LNX2: variants seen among roughly 807,000 people sequenced by gnomAD.
LNX2 encodes ligand of numb-protein X 2.
Under a neutral mutation model 66.2 loss-of-function variants are expected in LNX2, and 35 were observed. The ratio of observed to expected loss-of-function variants is 0.53; its 90% CI spans 0.40 to 0.70. The LOEUF is 0.70. Ranked by LOEUF, LNX2 falls within the 30% of genes least tolerant of loss-of-function variation. The probability of loss-of-function intolerance (pLI) is 0.00; values close to 1 mark genes in which losing one functional copy is unlikely to be tolerated. For synonymous variants in LNX2, 337 were observed against 315.6 expected (o/e 1.07, Z -0.72); for missense variants, 791 against 850.8 (o/e 0.93, Z 0.87).
chr13:27,599,249 G>A (rs556740652), intron 1 of LNX2, among the ~76,000 whole-genome samples: 1 of 152,244 alleles, frequency 6.6e-6, no homozygotes, highest in African/African-American at 2.4e-5. Context: ...TGCAACCTTT[G>A]TATATAAAAG....
At chr13:27,583,576 C>G (rs1247303838) in intron 1 of LNX2, among the ~76,000 whole-genome samples, 1 of 152,064 alleles carries the variant, frequency 6.6e-6, no homozygotes, top group African/African-American at 2.4e-5. Flanking sequence ...ACTCTTAGAG[C>G]AGCCTCCTCC....
At chr13:27,572,033 T>C (rs1191652416) in intron 2 of LNX2, among the ~76,000 whole-genome samples, 1 of 152,216 alleles carries the variant, frequency 6.6e-6, no homozygotes, top group East Asian at 1.9e-4. Flanking sequence ...TCAGATCTAA[T>C]TTCAAAGGCT....
At chr13:27,584,166 C>T (rs1337941608) in intron 1 of LNX2, among the ~76,000 whole-genome samples, 2 of 152,164 alleles carry the variant, frequency 1.3e-5, no homozygotes, top group Non-Finnish European at 2.9e-5. Flanking sequence ...CATGTTGAGG[C>T]TACTAGCATT....
chr13:27,598,856 T>C (rs573708375), intron 1 of LNX2, among the ~76,000 whole-genome samples: 3 of 152,272 alleles, frequency 2.0e-5, no homozygotes, highest in Admixed American at 2.0e-4. Context: ...TATGTTTACA[T>C]AAACAAGTAA....
At chr13:27,593,746 GT>G (rs1258285115) in intron 1 of LNX2, among the ~76,000 whole-genome samples, 3 of 147,332 alleles carry the variant, frequency 2.0e-5, no homozygotes, top group African/African-American at 7.5e-5. Flanking sequence ...GTGTGTGTGT[GT>G]GTGTGTGTTC....
At chr13:27,585,250 C>A (rs1955470902) in intron 1 of LNX2, among the ~76,000 whole-genome samples, 1 of 151,836 alleles carries the variant, frequency 6.6e-6, no homozygotes, top group Non-Finnish European at 1.5e-5. Flanking sequence ...ACAGTGAAAC[C>A]CCGTCTCTAC....
At chr13:27,552,584 T>C (rs1013344235) in intron 8 of LNX2, among the ~76,000 whole-genome samples, 3 of 145,980 alleles carry the variant, frequency 2.1e-5, no homozygotes, top group Non-Finnish European at 1.5e-5. Context: ...ATCTCAAATG[T>C]CAAACAACAA....
chr13:27,603,276 C>G (rs1344692702), intron 1 of LNX2, among the ~76,000 whole-genome samples: 2 of 152,128 alleles, frequency 1.3e-5, no homozygotes, highest in African/African-American at 4.8e-5. Flanking sequence ...TTCTCATTTG[C>G]TATACTAAAA....
chr13:27,583,544 C>T (rs137938641), intron 1 of LNX2, among the ~76,000 whole-genome samples: 97 of 152,226 alleles, frequency 6.4e-4, no homozygotes, highest in African/African-American at 2.3e-3. Context: ...GTGTAAGCCA[C>T]CATGCCCGGC....
intron 2 of LNX2, among the ~76,000 whole-genome samples, chr13:27,569,567 T>C (rs535164311): frequency 6.6e-6 from 1 of 152,340 alleles, no homozygotes; most frequent in South Asian, 2.1e-4. Flanking sequence ...AACACCCTCA[T>C]AGTCATCTCT....
intron 9 of LNX2, 91 bp from the exon 10 acceptor site, chr13:27,548,561 T>TCAG: frequency 7.5e-7 from 1 of 1,336,664 alleles, no homozygotes; most frequent in Non-Finnish European, 1.0e-6. Context: ...AAAATGCGGT[T>TCAG]TCACTTACCA....
At chr13:27,591,704 C>T (rs1955547942) in intron 1 of LNX2, among the ~76,000 whole-genome samples, 1 of 152,124 alleles carries the variant, frequency 6.6e-6, no homozygotes. Context: ...AATCCCTGCC[C>T]TTGTGAAGTT....
At chr13:27,571,483 G>A (rs1274792196) in intron 2 of LNX2, among the ~76,000 whole-genome samples, 3 of 152,170 alleles carry the variant, frequency 2.0e-5, no homozygotes, top group South Asian at 2.1e-4. Flanking sequence ...ACTCAAAACC[G>A]TGTATCGGGG....
chr13:27,592,682 A>C (rs1196461087), intron 1 of LNX2, among the ~76,000 whole-genome samples: 1 of 152,196 alleles, frequency 6.6e-6, no homozygotes, highest in Non-Finnish European at 1.5e-5. Flanking sequence ...GGGCTGATTC[A>C]GGACTCCACC....
intron 1 of LNX2, among the ~76,000 whole-genome samples, chr13:27,583,255 T>TGTGTGTGCGCGCGCGCGCGC (rs1555268514): frequency 1.7e-5 from 1 of 58,530 alleles, no homozygotes; most frequent in East Asian, 7.2e-4. Context: ...TGTGTGTGTG[T>TGTGTGTGCGCGCGCGCGCGC]GCGCGCGTCC....
intron 5 of LNX2, among the ~76,000 whole-genome samples, chr13:27,560,701 T>C (rs1342233868): frequency 2.6e-5 from 4 of 151,836 alleles, no homozygotes; most frequent in South Asian, 4.1e-4. Flanking sequence ...TATGTTTACA[T>C]TGGTTACATT....
intron 8 of LNX2, among the ~76,000 whole-genome samples, chr13:27,552,271 G>A (rs571521322): frequency 3.8e-4 from 58 of 152,330 alleles, no homozygotes; most frequent in Non-Finnish European, 8.1e-4. Context: ...CATCATTAGA[G>A]GTGCAGACAA....
At chr13:27,548,864 G>A (rs1382194502) in intron 9 of LNX2, among the ~76,000 whole-genome samples, 7 of 152,086 alleles carry the variant, frequency 4.6e-5, no homozygotes, top group Non-Finnish European at 1.0e-4. Flanking sequence ...AATTAAATTG[G>A]AAATAAGACC....
chr13:27,576,164 C>T (rs1434407674), intron 2 of LNX2, among the ~76,000 whole-genome samples: 1 of 151,946 alleles, frequency 6.6e-6, no homozygotes, highest in Non-Finnish European at 1.5e-5. Context: ...GAAATTGTAC[C>T]AAACAATGGC....
Sources: gnomAD v4.1 joint callset for allele counts (sites outside exome capture counted in the v4.1 genomes callset) on GRCh38, gnomAD v4.1.1 for gene constraint, MANE v1.5 for transcripts, NCBI Gene and HGNC (gene_info 2026-07-23, HGNC 2026-07-21) for gene names.